ACO2: variants seen among roughly 807,000 people sequenced by gnomAD.
ACO2 encodes the protein aconitate hydratase, mitochondrial.
In ACO2, 31 loss-of-function variants were observed where a neutral mutation model predicts 84.5. The observed-to-expected ratio is 0.37, with a 90% CI of 0.28 to 0.50. ACO2 has a LOEUF of 0.50. Ranked by LOEUF, ACO2 falls within the 20% of genes least tolerant of loss-of-function variation. The probability of loss-of-function intolerance (pLI) is 0.97; values close to 1 mark genes in which losing one functional copy is unlikely to be tolerated. For synonymous variants in ACO2, 414 were observed against 412.7 expected, an observed-to-expected ratio of 1.00 and a Z score of -0.04; for missense variants, 685 against 1,029.3, an observed-to-expected ratio of 0.67 and a Z score of 4.58.
At chr22:41,485,569 T>TA (rs2038143486) in intron 1 of ACO2, among the ~76,000 whole-genome samples, 1 of 150,636 alleles carries the variant, frequency 6.6e-6, no homozygotes. Flanking sequence ...GCCTCTCGAG[T>TA]AGCTGGGACT....
intron 1 of ACO2, among the ~76,000 whole-genome samples, chr22:41,486,757 A>C (rs919467903): frequency 2.0e-5 from 3 of 152,062 alleles, no homozygotes; most frequent in African/African-American, 7.2e-5. Flanking sequence ...GGCGTGAGCC[A>C]TTGCTCCCGG....
At chr22:41,513,090 G>C (rs1281264117) in intron 4 of ACO2, among the ~76,000 whole-genome samples, 1 of 152,208 alleles carries the variant, frequency 6.6e-6, no homozygotes, top group East Asian at 1.9e-4. Flanking sequence ...AAGGGGCTGC[G>C]TGGAATGGCC....
intron 12 of ACO2, among the ~76,000 whole-genome samples, 156 bp downstream of exon 12, chr22:41,524,097 G>T (rs1350292310): frequency 1.3e-5 from 2 of 152,170 alleles, no homozygotes; most frequent in African/African-American, 2.4e-5. Context: ...GGTGCTTCCT[G>T]CCTGGGGCTC....
chr22:41,491,038 G>A (rs2066268140), intron 1 of ACO2, among the ~76,000 whole-genome samples: 1 of 151,936 alleles, frequency 6.6e-6, no homozygotes, highest in South Asian at 2.1e-4. Context: ...GCTCTCATAG[G>A]GCTGGGGATT....
intron 1 of ACO2, among the ~76,000 whole-genome samples, chr22:41,477,006 G>A (rs1045614987): frequency 1.5e-4 from 22 of 150,964 alleles, no homozygotes; most frequent in African/African-American, 4.6e-4. Flanking sequence ...AAAATTAACT[G>A]GGCATGGTGG....
chr22:41,508,878 C>T (rs1302349665), intron 3 of ACO2, among the ~76,000 whole-genome samples: 1 of 152,176 alleles, frequency 6.6e-6, no homozygotes, highest in African/African-American at 2.4e-5. Flanking sequence ...GGGCTGCGGC[C>T]TGTGGGCATG....
chr22:41,479,845 C>T (rs887466835), intron 1 of ACO2, among the ~76,000 whole-genome samples: 18 of 152,170 alleles, frequency 1.2e-4, no homozygotes, highest in Admixed American at 6.5e-5. Context: ...TCATAGTGTA[C>T]GACTGATGTA....
intron 3 of ACO2, among the ~76,000 whole-genome samples, chr22:41,509,810 A>G (rs142965749): frequency 2.7e-4 from 34 of 124,812 alleles, no homozygotes; most frequent in Middle Eastern, 4.5e-3. Flanking sequence ...GAGAAAGAAT[A>G]TGGTCTTTTT....
At chr22:41,483,476 G>A (rs1354611724) in intron 1 of ACO2, among the ~76,000 whole-genome samples, 1 of 152,034 alleles carries the variant, frequency 6.6e-6, no homozygotes, top group African/African-American at 2.4e-5. Flanking sequence ...AGCCAACATG[G>A]CAAAACCCTG....
intron 1 of ACO2, among the ~76,000 whole-genome samples, chr22:41,492,126 T>C (rs1299593003): frequency 6.6e-6 from 1 of 152,226 alleles, no homozygotes; most frequent in African/African-American, 2.4e-5. Context: ...CACTGTTATA[T>C]TGGGAATTCA....
intron 9 of ACO2, among the ~76,000 whole-genome samples, chr22:41,521,035 CAAAAAAAAAAA>C (rs375633363): frequency 7.5e-4 from 61 of 81,596 alleles, no homozygotes; most frequent in African/African-American, 1.5e-3. Flanking sequence ...AGCCTGCCTC[CAAAAAAAAAAA>C]AAAAAAAAAA....
chr22:41,473,919 G>C (rs1327428927), intron 1 of ACO2, among the ~76,000 whole-genome samples: 1 of 152,152 alleles, frequency 6.6e-6, no homozygotes, highest in Non-Finnish European at 1.5e-5. Flanking sequence ...ACAAGAGGCT[G>C]GGGCTAGGGT....
intron 17 of ACO2, 74 bp downstream of exon 17, chr22:41,528,096 A>G (rs2066642496): frequency 2.5e-6 from 4 of 1,596,364 alleles, no homozygotes; most frequent in Non-Finnish European, 3.4e-6. Context: ...CACTGGCCCC[A>G]GGGTAGCTTC....
chr22:41,524,964 A>G lies in ACO2; in HGVS notation c.1601A>G (p.Lys534Arg). 1.2e-6 allele frequency: 2 copies of G among 1,614,124 alleles called. No homozygotes were observed. Among genetic ancestry groups the G allele is most frequent in the Non-Finnish European group, 1.7e-6 (2 of 1,180,016 alleles). Residue 534 changes from lysine (K) to arginine (R), a missense_variant, in exon 13 of 18, where the codon AAA (lysine) becomes AGA (arginine). Lys to Arg is a conservative substitution (Grantham distance 26). Coordinates refer to ENST00000216254, the MANE Select transcript of ACO2 (RefSeq NM_001098.3). ...GCTCCGGATGCAGATGAGCTTCCCA[A>G]AGGGGTGAGCGCCCACGCCCCCTGC... ...LEAPDADELP[K>R]GEFDPGQDTY...
chr22:41,522,791 T>G (rs756395995), intron 9 of ACO2, 39 bp from the exon 10 acceptor site: 3 of 1,607,260 alleles, frequency 1.9e-6, no homozygotes, highest in Non-Finnish European at 2.6e-6. Flanking sequence ...GCTCACTGTC[T>G]CCTCCTGACC....
chr22:41,474,991 G>C (rs1428697465), intron 1 of ACO2, among the ~76,000 whole-genome samples: 1 of 151,866 alleles, frequency 6.6e-6, no homozygotes, highest in Non-Finnish European at 1.5e-5. Flanking sequence ...TTTCACAGGT[G>C]AGAAAGCCAG....
intron 1 of ACO2, among the ~76,000 whole-genome samples, chr22:41,472,659 C>G (rs1213291476): frequency 1.3e-5 from 2 of 152,096 alleles, no homozygotes; most frequent in Non-Finnish European, 2.9e-5. Context: ...CTATGTTGCC[C>G]AGGCTAGTCT....
chr22:41,469,175 G>T lies in ACO2; in HGVS notation c.29G>T (p.Arg10Leu). 6.2e-7 allele frequency: 1 copy of T among 1,607,720 alleles called. No homozygotes were observed. Among genetic ancestry groups the T allele is most frequent in the Non-Finnish European group, 8.5e-7 (1 of 1,176,868 alleles). Residue 10 changes from arginine to leucine, a missense_variant, in exon 1 of 18, where the codon CGG (arginine) becomes CTG (leucine). Transcript: ENST00000216254. ...GCGCCCTACAGCCTACTGGTGACTC[G>T]GCTGCAGGTGAGCGAGCTCAGGGAC... MAPYSLLVT[R>L]LQKALGVRQY...
chr22:41,477,129 A>ATTATTTAT (rs141758153), intron 1 of ACO2, among the ~76,000 whole-genome samples: 81 of 145,808 alleles, frequency 5.6e-4, no homozygotes, highest in East Asian at 2.6e-3. Context: ...TGGTTTCCAT[A>ATTATTTAT]TTATTTATTT....
Sources: gnomAD v4.1 joint callset for allele counts (sites outside exome capture counted in the v4.1 genomes callset) on GRCh38, gnomAD v4.1.1 for gene constraint, MANE v1.5 for transcripts, NCBI Gene and HGNC (gene_info 2026-07-23, HGNC 2026-07-21) for gene names.